UGT2B11: variants seen among roughly 807,000 people sequenced by gnomAD.
The protein encoded by UGT2B11 is UDP-glucuronosyltransferase 2B11.
UGT2B11 carries 49 observed loss-of-function variants against 51.7 expected under a neutral mutation model. That is an observed-to-expected ratio of 0.95 (90% CI 0.75 to 1.20). The LOEUF is 1.20. UGT2B11 is among the 50% of genes most tolerant of loss of function. UGT2B11 has a pLI of 0.00. For missense variants in UGT2B11, 810 were observed against 622.1 expected (o/e 1.30, Z -3.21); for synonymous variants, 273 against 209.0 (o/e 1.31, Z -2.64).
chr4:69,202,083 T>C (rs1721679308), intron 5 of UGT2B11, among the ~76,000 whole-genome samples: 2 of 151,814 alleles, frequency 1.3e-5, no homozygotes, highest in African/African-American at 4.8e-5. Flanking sequence ...TACTCAAAAG[T>C]GTCTTTTTCT....
chr4:69,205,419 T>A, intron 4 of UGT2B11, 61 bp downstream of exon 4: 3 of 1,567,346 alleles, frequency 1.9e-6, no homozygotes, highest in Non-Finnish European at 2.6e-6. Flanking sequence ...ATAAGCATGT[T>A]TCATTAACCC....
the UGT2B11 span, among the ~76,000 whole-genome samples, chr4:69,222,085 G>T: frequency 6.6e-6 from 1 of 152,288 alleles, no homozygotes; most frequent in Non-Finnish European, 1.5e-5. Flanking sequence ...TGAGGGCCAT[G>T]ACTAAGGCTG....
chr4:69,207,793 G>C (rs943261233), intron 3 of UGT2B11, among the ~76,000 whole-genome samples: 1 of 151,626 alleles, frequency 6.6e-6, no homozygotes, highest in African/African-American at 2.4e-5. Context: ...AGCTTCCAGA[G>C]TACGGTAAGT....
In UGT2B11 at chr4:69,200,312, ATTTTTT is replaced by A. The variant is rs11340393; in HGVS notation, c.*122_*127del. 1.4e-3 allele frequency: 1,169 copies of A among 817,092 alleles called. No homozygotes were observed. Among genetic ancestry groups the A allele is most frequent in the East Asian group, 2.4e-3 (45 of 18,528 alleles). 50.6% of individuals were successfully genotyped at this position (817,092 alleles called of 1,614,324 possible). On this transcript the variant is annotated 3_prime_UTR_variant, in exon 6 of 6. Coordinates refer to ENST00000446444, the MANE Select transcript of UGT2B11 (RefSeq NM_001073.3). ...TTTACTTGACAAGGTAGATTTGAAA[ATTTTTT>A]TTTTTTTTTTTTTTTTGTCACAGGA... is the stretch of plus-strand genomic sequence containing the variant.
Position 69,212,661 on chromosome 4 carries a change from G to T in UGT2B11, c.782C>A (p.Ser261Tyr), listed in dbSNP as rs776739581. Residue 261 changes from serine to tyrosine, a missense_variant, in exon 2 of 6, where the codon TCC (serine) becomes TAC (tyrosine). Coordinates refer to ENST00000446444, the MANE Select transcript of UGT2B11 (RefSeq NM_001073.3). Reference sequence around the variant, plus strand: ...TGGATGAGGAAATTGAAAACTCCAGGAGTTTCGCATAAGCCATATGTCAGC... The same window carrying T: ...TGGATGAGGAAATTGAAAACTCCAGTAGTTTCGCATAAGCCATATGTCAGC... ...GKADIWLMRN[S>Y]WSFQFPHPFL... is the part of the protein sequence containing the mutation. 1.9e-6 allele frequency: 3 copies of T among 1,610,522 alleles called. No homozygotes were observed. The highest frequency in any genetic ancestry group is 1.1e-5 in the South Asian group (1 of 90,830).
chr4:69,208,411 A>C lies in UGT2B11; in HGVS notation c.942T>G (p.Ser314Arg). 3 of 1,610,742 alleles carry C rather than the reference A, an allele frequency of 1.9e-6. No individual in the cohort carries two copies. Among genetic ancestry groups the C allele is most frequent in the Non-Finnish European group, 2.5e-6 (3 of 1,178,208 alleles). Reference sequence around the variant, plus strand: ...CATTGGCCCTTTCTGCTGTCATGTTACTTATCACTGACCCCAGAGAAAACA... The same window carrying C: ...CATTGGCCCTTTCTGCTGTCATGTTCCTTATCACTGACCCCAGAGAAAACA... Reference protein sequence around the residue: ...VVVFSLGSVISNMTAERANVI... With the variant: ...VVVFSLGSVIRNMTAERANVI... The change falls in exon 3 of 6, where the codon AGT becomes AGG. Residue 314 changes from serine to arginine, a missense_variant. Transcript: ENST00000446444.
intron 2 of UGT2B11, among the ~76,000 whole-genome samples, chr4:69,212,152 C>T (rs1722089372): frequency 2.6e-5 from 4 of 151,562 alleles, no homozygotes. Context: ...TTTTTTATAA[C>T]ATTTTCATTA....
intron 2 of UGT2B11, among the ~76,000 whole-genome samples, chr4:69,210,243 A>T (rs76523894): frequency 0.012 from 1,773 of 151,694 alleles, 61 homozygotes; most frequent in East Asian, 0.11. Context: ...AAGATGTTGG[A>T]TTACTTGTAA....
In UGT2B11 at chr4:69,208,380, C is replaced by A. The variant is rs1577963148; in HGVS notation, c.973G>T (p.Ala325Ser). 6.2e-7 allele frequency: 1 copy of A among 1,611,018 alleles called. No individual in the cohort carries two copies. Among genetic ancestry groups the A allele is most frequent in the Admixed American group, 1.7e-5 (1 of 59,818 alleles). Residue 325 changes from alanine (A) to serine (S), a missense_variant, in exon 3 of 6, where the codon GCA becomes TCA. Physicochemically the swap from Ala to Ser is moderately conservative, Grantham distance 99. Transcript: ENST00000446444. ...TGTGGGATCTTGGCAAGGGCTGTTG[C>A]AATTACATTGGCCCTTTCTGCTGTC... ...NMTAERANVIATALAKIPQKV... is the reference protein window; with the variant it reads ...NMTAERANVISTALAKIPQKV...
rs372437459 is a variant in UGT2B11 at position 69,206,801 on chromosome 4, T to C, written c.1003-1234A>G. Reference sequence around the variant, plus strand: ...TAGTTTTCATCTCCAAATTTAATTGTAATGTATTCGTTTATTTTTGAATAA... The same window carrying C: ...TAGTTTTCATCTCCAAATTTAATTGCAATGTATTCGTTTATTTTTGAATAA... On this transcript the variant is annotated intron_variant, in intron 3 of 5. Coordinates refer to ENST00000446444, the MANE Select transcript of UGT2B11 (RefSeq NM_001073.3). Among the ~76,000 whole-genome samples, 6 of 151,796 alleles carry C rather than the reference T, an allele frequency of 4.0e-5. No homozygotes were observed. The South Asian group carries it at 1.0e-3, about 26-fold the overall frequency.
At position 69,204,491 on chromosome 4, in the gene UGT2B11, A is replaced by C. The variant is rs766148150; in HGVS notation, c.1249T>G (p.Phe417Val). Residue 417 changes from phenylalanine (F) to valine (V), a missense_variant, in exon 5 of 6, where the codon TTC becomes GTC. Physicochemically the swap from Phe to Val is conservative, Grantham distance 50. Coordinates refer to ENST00000446444, the MANE Select transcript of UGT2B11 (RefSeq NM_001073.3). ...AGGTCTGTACTCGACATTGTGTTGAAGTCCAATCTAACAGCTGCTCCCTTG... is the reference window on the plus strand; with the variant it reads ...AGGTCTGTACTCGACATTGTGTTGACGTCCAATCTAACAGCTGCTCCCTTG... ...KAKGAAVRLD[F>V]NTMSSTDLLN... The C allele has an allele frequency of 6.2e-7, 1 of 1,612,270 alleles. No homozygotes were observed. The highest frequency in any genetic ancestry group is 1.7e-5 in the Admixed American group (1 of 59,876).
chr4:69,208,187 G>A (rs2109947476), intron 3 of UGT2B11, among the ~76,000 whole-genome samples, 164 bp downstream of exon 3: 1 of 151,674 alleles, frequency 6.6e-6, no homozygotes, highest in African/African-American at 2.4e-5. Flanking sequence ...CACTAAGTCT[G>A]AGGCACAACT....
chr4:69,215,063 A>G (rs947470411), upstream of UGT2B11: 4 of 205,358 alleles, frequency 1.9e-5, no homozygotes, highest in African/African-American at 9.3e-5. Flanking sequence ...AAGAGATGAA[A>G]TGATTGTACA....
At chr4:69,208,216 A>G (rs900202932) in intron 3 of UGT2B11, 135 bp downstream of exon 3, 2 of 1,506,330 alleles carry the variant, frequency 1.3e-6, no homozygotes, top group African/African-American at 1.4e-5. Flanking sequence ...TGTTGGTGGA[A>G]GCAACATAAG....
intron 2 of UGT2B11, among the ~76,000 whole-genome samples, chr4:69,209,460 A>G (rs183015108): frequency 1.3e-5 from 2 of 151,798 alleles, no homozygotes; most frequent in East Asian, 3.9e-4. Flanking sequence ...CTTGGCTGCC[A>G]TTGATTGAGA....
Position 69,206,936 on chromosome 4 carries a change from C to A in UGT2B11, c.1003-1369G>T, listed in dbSNP as rs1245040803. 4.0e-5 allele frequency among the ~76,000 whole-genome samples: 6 copies of A among 151,600 alleles called. No individual in the cohort carries two copies. The South Asian group carries it at 8.3e-4, about 21-fold the overall frequency. On this transcript the variant is annotated intron_variant, in intron 3 of 5. Coordinates refer to ENST00000446444, the MANE Select transcript of UGT2B11 (RefSeq NM_001073.3). ...CTATAAAATAAGCTACTTATAAGAA[C>A]TAAATAAATGCTGCCAAGATTTTAT...
At chr4:69,222,030 C>T in the UGT2B11 span, among the ~76,000 whole-genome samples, 2 of 152,410 alleles carry the variant, frequency 1.3e-5, no homozygotes, top group East Asian at 3.9e-4. Flanking sequence ...AGGCAATTGG[C>T]CTCTCCTCTC....
At chr4:69,214,804 T>C (rs1341152861), upstream of UGT2B11, 11 of 1,530,552 alleles carry the variant, frequency 7.2e-6, no homozygotes, top group East Asian at 4.5e-5. Flanking sequence ...CAAGTTAAAA[T>C]ATAACTCCTC....
upstream of UGT2B11, among the ~76,000 whole-genome samples, chr4:69,217,813 T>G (rs1722312120): frequency 1.3e-5 from 2 of 152,002 alleles, no homozygotes; most frequent in Admixed American, 6.6e-5. Flanking sequence ...CAAAAAAAAT[T>G]TATTTGCCAC....
Sources: allele counts gnomAD v4.1 joint callset (sites outside exome capture counted in the v4.1 genomes callset), GRCh38; gene constraint gnomAD v4.1.1; transcripts MANE v1.5; gene names NCBI Gene and HGNC (gene_info 2026-07-23, HGNC 2026-07-21).